Variants in TAF3 observed in about 807,000 individuals in gnomAD.
TAF3 encodes the protein TATA-box binding protein associated factor 3, also known as transcription initiation factor TFIID subunit 3.
Under a neutral mutation model 80.6 loss-of-function variants are expected in TAF3, and 7 were observed. That is an observed-to-expected ratio of 0.09 (90% CI 0.05 to 0.16). TAF3 has a LOEUF of 0.16. Among genes scored for constraint, TAF3 ranks in the 10% least tolerant of loss-of-function variants. TAF3 has a pLI of 1.00. For synonymous variants in TAF3, 444 were observed against 446.1 expected, an observed-to-expected ratio of 1.00 and a Z score of 0.06; for missense variants, 921 against 1,140.2, an observed-to-expected ratio of 0.81 and a Z score of 2.77.
chr10:7,992,832 T>C (rs1344656317), intron 4 of TAF3, among the ~76,000 whole-genome samples: 2 of 152,224 alleles, frequency 1.3e-5, no homozygotes, highest in East Asian at 3.8e-4. Context: ...GCAACTTGGA[T>C]AGATTTAACA....
chr10:7,899,178 C>T (rs1588544173), intron 2 of TAF3, among the ~76,000 whole-genome samples: 1 of 152,156 alleles, frequency 6.6e-6, no homozygotes, highest in South Asian at 2.1e-4. Flanking sequence ...ATTTTCGATC[C>T]TGGGCCTCAC....
Position 7,954,661 on chromosome 10 carries a change from G to A in TAF3, c.410-9259G>A, listed in dbSNP as rs569067310. 3.3e-4 allele frequency among the ~76,000 whole-genome samples: 46 copies of A among 138,802 alleles called. 4 individuals carry two copies. Among genetic ancestry groups the A allele is most frequent in the Admixed American group, 1.7e-3 (23 of 13,742 alleles). The allele number at this position is 138,802 out of a possible 152,430, so 91.1% of individuals were successfully genotyped here. A position where few individuals can be genotyped will look rare whatever the true frequency, so the allele number is the denominator to read the frequency against. On this transcript the variant is annotated intron_variant, in intron 2 of 6. Transcript: ENST00000344293. ...GTGAGATTCAGAGTGCACTCCATAT[G>A]TGAATGAGTGGATTAGTCCTAGTTA...
intron 2 of TAF3, among the ~76,000 whole-genome samples, chr10:7,893,286 A>G (rs914759613): frequency 6.6e-6 from 1 of 152,208 alleles, no homozygotes; most frequent in Non-Finnish European, 1.5e-5. Context: ...TTATTTAATA[A>G]TCAGTTACTA....
intron 2 of TAF3, among the ~76,000 whole-genome samples, chr10:7,925,278 T>C (rs528073577): frequency 3.1e-4 from 47 of 152,358 alleles, no homozygotes; most frequent in Non-Finnish European, 4.6e-4. Flanking sequence ...TGGACATGTG[T>C]GTGGACCCTC....
chr10:8,007,009 G>T (rs565006759), intron 4 of TAF3, among the ~76,000 whole-genome samples: 1 of 152,308 alleles, frequency 6.6e-6, no homozygotes, highest in Non-Finnish European at 1.5e-5. Context: ...CCACAGGCTG[G>T]CAATTCCTGG....
At chr10:7,959,071 C>T (rs747125795) in intron 2 of TAF3, among the ~76,000 whole-genome samples, 3 of 151,762 alleles carry the variant, frequency 2.0e-5, no homozygotes, top group African/African-American at 7.3e-5. Flanking sequence ...ACCCAGGAGG[C>T]GGAGCTTGCA....
chr10:7,863,118 G>A (rs914564683), intron 2 of TAF3, among the ~76,000 whole-genome samples: 17 of 152,160 alleles, frequency 1.1e-4, no homozygotes, highest in Non-Finnish European at 1.8e-4. Flanking sequence ...GGAAACTGTG[G>A]TGGACTAACT....
At chr10:8,012,054 G>GCA (rs1420888693) in intron 5 of TAF3, among the ~76,000 whole-genome samples, 1 of 152,140 alleles carries the variant, frequency 6.6e-6, no homozygotes, top group Non-Finnish European at 1.5e-5. Flanking sequence ...ACATGTGCCT[G>GCA]TAGTCTCAAC....
chr10:7,886,832 T>C (rs1837412770), intron 2 of TAF3, among the ~76,000 whole-genome samples: 2 of 152,184 alleles, frequency 1.3e-5, no homozygotes, highest in African/African-American at 4.8e-5. Context: ...CTTACAAAAT[T>C]AATAGAAAAA....
chr10:8,009,044 T>C lies in TAF3; in HGVS notation c.2316-34T>C. 2 of 1,577,664 alleles carry C rather than the reference T, an allele frequency of 1.3e-6. No individual in the cohort carries two copies. The highest frequency in any genetic ancestry group is 1.7e-6 in the Non-Finnish European group (2 of 1,160,798). ...CGGGTTTGGTTCGATGATGATCCTG[T>C]TTTGACTTTTACCTTCTCTTCTTTT... On this transcript the variant is annotated intron_variant, in intron 4 of 6. Transcript: ENST00000344293. This position sits in a 1 kb window ranked among gnomAD's most constrained non-coding sequence, Gnocchi z 4.1.
Position 7,964,984 on chromosome 10 carries a change from A to G in TAF3, c.1474A>G (p.Ile492Val), listed in dbSNP as rs756677664. The G allele has an allele frequency of 1.2e-6, 2 of 1,613,894 alleles. No individual in the cohort carries two copies. The highest frequency in any genetic ancestry group is 8.5e-7 in the Non-Finnish European group (1 of 1,180,026). Residue 492 changes from isoleucine (I) to valine (V), a missense_variant, in exon 3 of 7, where the codon ATC (isoleucine) becomes GTC (valine). Around this residue, in one of 6 missense-constraint regions of TAF3, gnomAD observed 743 missense variants for 821.0 expected, o/e 0.90. Coordinates refer to ENST00000344293, the MANE Select transcript of TAF3 (RefSeq NM_031923.4). The surrounding 1 kb of genome is among the most constrained non-coding windows in gnomAD (Gnocchi z 4.1). ...PSNMPPNFPYISSPSVSPPTP... is the reference protein window; with the variant it reads ...PSNMPPNFPYVSSPSVSPPTP... ...AAATATGCCCCCCAACTTTCCTTAT[A>G]TCTCTTCTCCGTCAGTGTCTCCTCC...
chr10:7,959,271 G>A (rs1298533175), intron 2 of TAF3, among the ~76,000 whole-genome samples: 2 of 152,076 alleles, frequency 1.3e-5, no homozygotes, highest in East Asian at 1.9e-4. Flanking sequence ...ATAAGAAAGT[G>A]TAAATTAAAC....
chr10:7,882,665 A>T (rs1405860594), intron 2 of TAF3, among the ~76,000 whole-genome samples: 1 of 152,326 alleles, frequency 6.6e-6, no homozygotes, highest in East Asian at 1.9e-4. Context: ...GAGTGCTCCT[A>T]TCAGAAGGCA....
intron 4 of TAF3, among the ~76,000 whole-genome samples, chr10:7,999,724 T>TGGG (rs1344729701): frequency 6.6e-6 from 1 of 152,240 alleles, no homozygotes; most frequent in African/African-American, 2.4e-5. Flanking sequence ...GCCAAAGTGC[T>TGGG]GGGATTACAG....
chr10:7,995,655 T>A (rs1366782853), intron 4 of TAF3, among the ~76,000 whole-genome samples: 2 of 152,234 alleles, frequency 1.3e-5, no homozygotes, highest in South Asian at 4.1e-4. Context: ...ATGCAATTTG[T>A]TTCATTTTTC....
chr10:7,873,614 TTC>T (rs1491394600), intron 2 of TAF3, among the ~76,000 whole-genome samples: 2 of 64,614 alleles, frequency 3.1e-5, no homozygotes, highest in African/African-American at 6.8e-5. Context: ...GACATCCGAG[TTC>T]TCCCCCCCCC....
intron 3 of TAF3, among the ~76,000 whole-genome samples, chr10:7,967,540 G>T (rs951837229): frequency 6.6e-6 from 1 of 152,174 alleles, no homozygotes; most frequent in Non-Finnish European, 1.5e-5. Flanking sequence ...GGGCTATGGA[G>T]CAGGTACATG....
intron 2 of TAF3, among the ~76,000 whole-genome samples, chr10:7,847,266 A>G (rs1010867814): frequency 6.6e-6 from 1 of 152,242 alleles, no homozygotes; most frequent in African/African-American, 2.4e-5. Context: ...GAATTGACAT[A>G]TGTCTAAGAA....
chr10:7,824,807 A>C (rs534256715), intron 2 of TAF3, among the ~76,000 whole-genome samples: 94 of 152,354 alleles, frequency 6.2e-4, no homozygotes, highest in African/African-American at 2.2e-3. Context: ...AGAGGAAAAC[A>C]GTGAAGCCAA....
Sources: gnomAD v4.1 joint callset for allele counts (sites outside exome capture counted in the v4.1 genomes callset) on GRCh38, gnomAD v4.1.1 for gene constraint, gnomAD v4.1.1 regional missense constraint, Gnocchi (gnomAD v3.1) non-coding constraint, MANE v1.5 for transcripts, NCBI Gene and HGNC (gene_info 2026-07-23, HGNC 2026-07-21) for gene names.